The following PHF24 variants were observed in gnomAD, a reference collection of about 807,000 sequenced individuals.
The protein encoded by PHF24 is Galpha inhibitory interacting protein.
PHF24 carries 25 observed loss-of-function variants against 42.6 expected under a neutral mutation model. The ratio of observed to expected loss-of-function variants is 0.59; its 90% confidence interval spans 0.43 to 0.82. The LOEUF is 0.82. PHF24 is among the 40% of genes least tolerant of loss of function. PHF24 has a pLI of 0.00. For synonymous variants in PHF24, 185 were observed against 204.8 expected (o/e 0.90, Z 0.83); for missense variants, 470 against 538.1 (o/e 0.87, Z 1.25).
chr9:34,744,723 T>G, the PHF24 span, among the ~76,000 whole-genome samples: 94 of 152,308 alleles, frequency 6.2e-4, no homozygotes, highest in African/African-American at 2.1e-3. Context: ...ACTGGGCACT[T>G]GAATATCATT....
At chr9:34,719,635 G>A in the PHF24 span, among the ~76,000 whole-genome samples, 1 of 152,174 alleles carries the variant, frequency 6.6e-6, no homozygotes, top group African/African-American at 2.4e-5. Context: ...AGGCAGGTGG[G>A]AGCCTGTAGG....
chr9:34,917,926 G>A, the PHF24 span: 2 of 1,587,380 alleles, frequency 1.3e-6, no homozygotes, highest in Non-Finnish European at 1.7e-6. Context: ...AATGGTGCAG[G>A]CTGCCATACC....
At chr9:34,827,060 C>G in the PHF24 span, among the ~76,000 whole-genome samples, 1 of 152,096 alleles carries the variant, frequency 6.6e-6, no homozygotes, top group African/African-American at 2.4e-5. Context: ...ATTTCTCTGC[C>G]CCTGGGACTT....
the PHF24 span, among the ~76,000 whole-genome samples, chr9:34,936,860 C>A: frequency 4.0e-5 from 6 of 150,434 alleles, no homozygotes; most frequent in East Asian, 2.0e-4. Flanking sequence ...AAGTGAGGAG[C>A]CCCTCCGCCC....
chr9:34,759,636 T>C, the PHF24 span, among the ~76,000 whole-genome samples: 1 of 152,128 alleles, frequency 6.6e-6, no homozygotes, highest in Non-Finnish European at 1.5e-5. Flanking sequence ...GCTGCTGCCC[T>C]CTATGTGGCT....
the PHF24 span, among the ~76,000 whole-genome samples, chr9:34,933,481 T>A: frequency 6.6e-6 from 1 of 151,940 alleles, no homozygotes; most frequent in Non-Finnish European, 1.5e-5. Flanking sequence ...TCCCAGCACT[T>A]TGGGAGGCCG....
the PHF24 span, chr9:34,892,980 A>C: frequency 1.4e-6 from 1 of 724,836 alleles, no homozygotes; most frequent in Non-Finnish European, 2.4e-6. Context: ...GATGTGGACA[A>C]AGCCTCTAGG....
the PHF24 span, among the ~76,000 whole-genome samples, chr9:34,805,161 CA>C: frequency 6.6e-6 from 1 of 152,110 alleles, no homozygotes; most frequent in Non-Finnish European, 1.5e-5. Flanking sequence ...ATAATGCTGC[CA>C]TGAGCATTCA....
chr9:34,905,861 G>A, the PHF24 span, among the ~76,000 whole-genome samples: 4 of 152,084 alleles, frequency 2.6e-5, no homozygotes, highest in Non-Finnish European at 5.9e-5. Flanking sequence ...TTTTGTCTTC[G>A]TGTGGAAACT....
At chr9:34,942,523 T>C in the PHF24 span, among the ~76,000 whole-genome samples, 6 of 152,160 alleles carry the variant, frequency 3.9e-5, no homozygotes, top group African/African-American at 1.4e-4. Context: ...AATACACAGG[T>C]AGTCCAGATC....
chr9:34,834,075 C>A, the PHF24 span: 11 of 1,541,672 alleles, frequency 7.1e-6, no homozygotes, highest in Non-Finnish European at 9.6e-6. Flanking sequence ...TGATCAAGGG[C>A]CGTTGGCATC....
chr9:34,926,290 C>T, the PHF24 span, among the ~76,000 whole-genome samples: 1 of 152,216 alleles, frequency 6.6e-6, no homozygotes, highest in African/African-American at 2.4e-5. This position sits in a 1 kb window ranked among gnomAD's most constrained non-coding sequence, Gnocchi z 4.3. Context: ...ACATGCCTGC[C>T]AGAAGTGGCT....
chr9:34,744,471 G>T, the PHF24 span, among the ~76,000 whole-genome samples: 1 of 152,254 alleles, frequency 6.6e-6, no homozygotes, highest in South Asian at 2.1e-4. Context: ...TACTCAGAAG[G>T]TTCCTAGTAA....
the PHF24 span, among the ~76,000 whole-genome samples, chr9:34,756,034 T>C: frequency 2.0e-5 from 3 of 152,206 alleles, no homozygotes; most frequent in Non-Finnish European, 4.4e-5. Flanking sequence ...ATTTCTCTTA[T>C]GTTTTTTTCT....
the PHF24 span, among the ~76,000 whole-genome samples, chr9:34,878,117 A>G: frequency 6.6e-6 from 1 of 152,220 alleles, no homozygotes; most frequent in South Asian, 2.1e-4. Context: ...ACAGTAATGC[A>G]ATATGTTAAT....
the PHF24 span, among the ~76,000 whole-genome samples, chr9:34,721,399 TTCTCTCTC>T: frequency 2.0e-3 from 274 of 139,232 alleles, no homozygotes; most frequent in Admixed American, 3.0e-3. Flanking sequence ...TGTCTTTCCA[TTCTCTCTC>T]TCTCTCTCTC....
At chr9:34,697,680 TAGTAA>T in the PHF24 span, among the ~76,000 whole-genome samples, 2 of 152,186 alleles carry the variant, frequency 1.3e-5, no homozygotes, top group Non-Finnish European at 2.9e-5. Context: ...ATACCTTGAA[TAGTAA>T]AGTAGAGGAA....
At chr9:34,702,819 A>C in the PHF24 span, among the ~76,000 whole-genome samples, 2 of 152,190 alleles carry the variant, frequency 1.3e-5, no homozygotes, top group Admixed American at 6.5e-5. Context: ...CAAAAAAAGA[A>C]TTACAAATAT....
the PHF24 span, among the ~76,000 whole-genome samples, chr9:34,686,246 T>G: frequency 1.3e-5 from 2 of 152,106 alleles, no homozygotes; most frequent in Non-Finnish European, 2.9e-5. Context: ...TATCTAAGGT[T>G]TTCTGGTGGT....
Sources: gnomAD v4.1 joint callset for allele counts (sites outside exome capture counted in the v4.1 genomes callset) on GRCh38, gnomAD v4.1.1 for gene constraint, Gnocchi (gnomAD v3.1) non-coding constraint, MANE v1.5 for transcripts, NCBI Gene and HGNC (gene_info 2026-07-23, HGNC 2026-07-21) for gene names.